Variants in OS9 observed in about 807,000 individuals in gnomAD.
OS9 encodes OS9 endoplasmic reticulum lectin, also known as protein OS-9.
In OS9, 58 loss-of-function variants were observed where a neutral mutation model predicts 84.7. The observed-to-expected ratio is 0.68, with a 90% confidence interval of 0.55 to 0.85. The LOEUF is 0.85. Ranked by LOEUF, OS9 falls within the 40% of genes least tolerant of loss-of-function variation. The pLI is 0.00. For missense variants in OS9, 760 were observed against 850.9 expected (o/e 0.89, Z 1.33); for synonymous variants, 278 against 320.8 (o/e 0.87, Z 1.43).
chr12:57,718,210 C>A lies in OS9; in HGVS notation c.1199C>A (p.Pro400Gln). 1 of 1,613,996 alleles carries A rather than the reference C, an allele frequency of 6.2e-7. No homozygotes were observed. The highest frequency in any genetic ancestry group is 8.5e-7 in the Non-Finnish European group (1 of 1,180,012). The part of the protein sequence containing the change: ...DDAAEVPQRE[P>Q]EKERGDPERQ... ...GCTGCAGAAGTCCCTCAGAGGGAAC[C>A]AGAGAAGGAAAGGGGTGATCCAGAA... The change falls in exon 11 of 15, where the codon CCA becomes CAA. Residue 400 changes from proline (P) to glutamine (Q), a missense_variant. By Grantham distance (76) the Pro-to-Gln change is moderately conservative. Transcript: ENST00000315970.
intron 7 of OS9, 88 bp from the exon 8 acceptor site, chr12:57,716,304 GGCCCTCCTCCCTTGGTGATA>G: frequency 9.2e-7 from 1 of 1,082,114 alleles, no homozygotes; most frequent in Non-Finnish European, 1.4e-6. Context: ...AAGTACCATG[GGCCCTCCTCCCTTGGTGATA>G]GAGGAGGGGA....
At chr12:57,716,002 G>A (rs745866546) in intron 6 of OS9, 32 bp downstream of exon 6, 3 of 1,605,210 alleles carry the variant, frequency 1.9e-6, no homozygotes, top group Non-Finnish European at 2.6e-6. Flanking sequence ...AGAAGACGGG[G>A]AGATACGGGG....
intron 5 of OS9, among the ~76,000 whole-genome samples, chr12:57,714,499 C>T (rs1378494177): frequency 1.3e-5 from 2 of 151,378 alleles, no homozygotes; most frequent in African/African-American, 4.9e-5. Context: ...GCCACCGCGC[C>T]CAGCCATGCT....
At position 57,694,297 on chromosome 12, in the gene OS9, C is replaced by G; in HGVS notation, c.136C>G (p.Leu46Val). Reference protein sequence around the residue: ...LSEMRYGIEILPLPVMGGQSQ... With the variant: ...LSEMRYGIEIVPLPVMGGQSQ... ...TGAGATGCGTTATGGGATCGAGATC[C>G]TGCCGTTGCCTGTCATGGGAGGGCA... Residue 46 changes from leucine (L) to valine (V), a missense_variant, in exon 1 of 15, where the codon CTG becomes GTG. Transcript: ENST00000315970. The G allele has an allele frequency of 1.2e-6, 2 of 1,614,112 alleles. No individual in the cohort carries two copies. The highest frequency in any genetic ancestry group is 1.7e-6 in the Non-Finnish European group (2 of 1,180,022).
At chr12:57,712,343 G>A (rs1185276475) in intron 5 of OS9, among the ~76,000 whole-genome samples, 1 of 151,950 alleles carries the variant, frequency 6.6e-6, no homozygotes, top group Non-Finnish European at 1.5e-5. Context: ...GTATTTTATA[G>A]TTTTCTTTTG....
At chr12:57,702,933 T>G (rs1012810421) in intron 5 of OS9, among the ~76,000 whole-genome samples, 1 of 152,184 alleles carries the variant, frequency 6.6e-6, no homozygotes, top group Non-Finnish European at 1.5e-5. Context: ...TGAATTGAGT[T>G]GGTTTTTGTT....
In OS9 at chr12:57,720,510, A is replaced by G. The variant is rs1954648071; in HGVS notation, c.1870A>G (p.Asn624Asp). The G allele has an allele frequency of 1.2e-6, 2 of 1,608,182 alleles. No individual in the cohort carries two copies. Among genetic ancestry groups the G allele is most frequent in the Middle Eastern group, 1.7e-4 (1 of 6,040 alleles). ...DTRNLKEIFF[N>D]ILVPGAEEAQ... ...GAGAAACCTCAAGGAGATCTTCTTC[A>G]ATATCTTGGTAAGAGGCTTCTACCC... Residue 624 changes from asparagine (N) to aspartate (D), a missense_variant, in exon 14 of 15, where the codon AAT (asparagine) becomes GAT (aspartate). Asn to Asp is a conservative substitution (Grantham distance 23). Transcript: ENST00000315970.
intron 5 of OS9, among the ~76,000 whole-genome samples, chr12:57,697,738 G>A (rs558335351): frequency 9.2e-5 from 14 of 152,130 alleles, no homozygotes; most frequent in South Asian, 2.1e-4. Flanking sequence ...TCTGTCCTTC[G>A]AACCAGTGGG....
intron 5 of OS9, among the ~76,000 whole-genome samples, chr12:57,706,998 A>T (rs540699073): frequency 9.9e-5 from 15 of 152,240 alleles, no homozygotes; most frequent in African/African-American, 3.4e-4. Context: ...TGCATCATGA[A>T]GCTTTAATAA....
chr12:57,695,921 CTCT>C (rs1953815264), intron 3 of OS9, 38 bp from the exon 4 acceptor site: 10 of 1,570,240 alleles, frequency 6.4e-6, no homozygotes, highest in Non-Finnish European at 8.8e-6. Context: ...CCTCCTCCTC[CTCT>C]TAAGAGTAAC....
chr12:57,699,546 C>A (rs1953959948), intron 5 of OS9, among the ~76,000 whole-genome samples: 1 of 152,060 alleles, frequency 6.6e-6, no homozygotes, highest in African/African-American at 2.4e-5. Context: ...TGTGCCTGAA[C>A]CTTCAAGGAA....
rs1954402453 is a variant in OS9 at position 57,713,829 on chromosome 12, A to G, written c.580-1931A>G. ...GGTTCAAGTGCTGCAAATTCTCACT[A>G]TTCAAGATTTAGTAGCTGGGCATGG... On this transcript the variant is annotated intron_variant, in intron 5 of 14. Transcript: ENST00000315970. 2.6e-5 allele frequency among the ~76,000 whole-genome samples: 4 copies of G among 151,652 alleles called. No homozygotes were observed. The Admixed American group carries it at 2.6e-4, about 10-fold the overall frequency.
chr12:57,714,342 G>T (rs910061908), intron 5 of OS9, among the ~76,000 whole-genome samples: 5 of 152,120 alleles, frequency 3.3e-5, no homozygotes, highest in Admixed American at 6.5e-5. Context: ...GAGTAGCTGG[G>T]ATTACAGGCA....
intron 5 of OS9, among the ~76,000 whole-genome samples, chr12:57,702,481 T>C (rs1172845116): frequency 2.0e-5 from 3 of 152,268 alleles, no homozygotes; most frequent in Non-Finnish European, 4.4e-5. Context: ...TATTTATCAA[T>C]GGATGGACAA....
At chr12:57,709,232 A>G (rs1954260146) in intron 5 of OS9, among the ~76,000 whole-genome samples, 1 of 152,180 alleles carries the variant, frequency 6.6e-6, no homozygotes, top group Non-Finnish European at 1.5e-5. Flanking sequence ...GTGAGTTGCA[A>G]ATATTTTTAT....
chr12:57,695,561 C>T (rs940543859), intron 2 of OS9: 2 of 700,484 alleles, frequency 2.9e-6, no homozygotes, highest in South Asian at 3.0e-5. Flanking sequence ...GGAAAGACCA[C>T]AAGTGGAAAA....
chr12:57,700,379 C>T (rs1953985149), intron 5 of OS9, among the ~76,000 whole-genome samples: 1 of 151,430 alleles, frequency 6.6e-6, no homozygotes, highest in Non-Finnish European at 1.5e-5. Flanking sequence ...GAGCAATTTG[C>T]CTCAAAAGGA....
rs760444260 is a variant in OS9, at chr12:57,696,383, G to C, written c.579+10G>C. ...GGAGGCCGAGGTTCGGGTGAGTCTT[G>C]AGAGAGGGAAGTTGACACTCCCACA... On this transcript the variant is annotated intron_variant, in intron 5 of 14. Transcript: ENST00000315970. 2.0e-6 allele frequency: 3 copies of C among 1,487,100 alleles called. No homozygotes were observed. The highest frequency in any genetic ancestry group is 2.7e-6 in the Non-Finnish European group (3 of 1,099,910). The allele number at this position is 1,487,100 out of a possible 1,614,324, so 92.1% of individuals were successfully genotyped here.
At chr12:57,695,879 G>T (rs774448990) in intron 3 of OS9, 36 bp downstream of exon 3, 1 of 1,580,374 alleles carries the variant, frequency 6.3e-7, no homozygotes, top group South Asian at 1.1e-5. Context: ...AGCCCTTAGT[G>T]TCATATCATG....
Sources: allele counts gnomAD v4.1 joint callset (sites outside exome capture counted in the v4.1 genomes callset), GRCh38; gene constraint gnomAD v4.1.1; transcripts MANE v1.5; gene names NCBI Gene and HGNC (gene_info 2026-07-23, HGNC 2026-07-21).